Variants in NKAIN2 observed in about 807,000 individuals in gnomAD.
NKAIN2 encodes the protein sodium/potassium-transporting ATPase subunit beta-1-interacting protein 2.
NKAIN2 carries 14 observed loss-of-function variants against 32.6 expected under a neutral mutation model. That is an observed-to-expected ratio of 0.43 (90% confidence interval 0.28 to 0.67). The LOEUF (loss-of-function observed/expected upper bound fraction) is 0.67. Ranked by LOEUF, NKAIN2 falls within the 30% of genes least tolerant of loss-of-function variation. NKAIN2 has a pLI of 0.17. For synonymous variants in NKAIN2, 80 were observed against 87.2 expected, an observed-to-expected ratio of 0.92 and a Z score of 0.46; for missense variants, 198 against 258.3, an observed-to-expected ratio of 0.77 and a Z score of 1.60.
chr6:123,862,928 C>G (rs56142431), intron 1 of NKAIN2, among the ~76,000 whole-genome samples: 1 of 152,072 alleles, frequency 6.6e-6, no homozygotes, highest in South Asian at 2.1e-4. Flanking sequence ...CCACTGAGTC[C>G]CTGGGAGCAT....
At chr6:124,083,394 T>C (rs9320979) in intron 1 of NKAIN2, among the ~76,000 whole-genome samples, 14,947 of 151,946 alleles carry the variant, frequency 0.098, 778 homozygotes, top group East Asian at 0.21. Context: ...TCATCATTAC[T>C]TTTTTAAACA....
At chr6:124,032,885 G>T (rs1029122735) in intron 1 of NKAIN2, among the ~76,000 whole-genome samples, 22 of 151,736 alleles carry the variant, frequency 1.4e-4, no homozygotes, top group African/African-American at 5.1e-4. Flanking sequence ...TTCCTCTCTG[G>T]TAATGTTTGT....
chr6:124,418,483 T>C (rs1774596776), intron 3 of NKAIN2, among the ~76,000 whole-genome samples: 1 of 148,038 alleles, frequency 6.8e-6, no homozygotes, highest in African/African-American at 2.5e-5. Context: ...AGTATATATA[T>C]ATAGTTTATT....
intron 3 of NKAIN2, among the ~76,000 whole-genome samples, chr6:124,552,907 T>A (rs1159658599): frequency 6.6e-6 from 1 of 152,246 alleles, no homozygotes; most frequent in Non-Finnish European, 1.5e-5. Context: ...TAAACACTTT[T>A]ATTTTTTGTT....
chr6:124,555,958 C>T (rs1047210124), intron 3 of NKAIN2, among the ~76,000 whole-genome samples: 1 of 152,090 alleles, frequency 6.6e-6, no homozygotes, highest in African/African-American at 2.4e-5. Context: ...AGTTGAATCA[C>T]ACTTAGTTTA....
chr6:124,103,833 A>ATTAC (rs1395306481), intron 1 of NKAIN2, among the ~76,000 whole-genome samples: 2 of 152,142 alleles, frequency 1.3e-5, no homozygotes, highest in Non-Finnish European at 2.9e-5. Flanking sequence ...CATGCCTGTA[A>ATTAC]TCCCAGCACT....
intron 1 of NKAIN2, among the ~76,000 whole-genome samples, chr6:124,059,559 G>A (rs1782827548): frequency 6.6e-6 from 1 of 152,088 alleles, no homozygotes; most frequent in Non-Finnish European, 1.5e-5. Context: ...AGGGATTTTT[G>A]TGTGCATAGT....
At chr6:124,375,255 C>A (rs1232310800) in intron 3 of NKAIN2, among the ~76,000 whole-genome samples, 2 of 151,850 alleles carry the variant, frequency 1.3e-5, no homozygotes, top group East Asian at 3.9e-4. Flanking sequence ...CTAATCATGG[C>A]ACTTATCATA....
intron 1 of NKAIN2, among the ~76,000 whole-genome samples, chr6:124,080,094 A>G (rs1369521239): frequency 6.6e-6 from 1 of 152,138 alleles, no homozygotes; most frequent in East Asian, 1.9e-4. Context: ...GACTGATAAA[A>G]AAGCTGGGAC....
At chr6:124,457,237 T>G (rs1378090161) in intron 3 of NKAIN2, among the ~76,000 whole-genome samples, 1 of 151,966 alleles carries the variant, frequency 6.6e-6, no homozygotes, top group Non-Finnish European at 1.5e-5. Flanking sequence ...GTTTCCTTCC[T>G]GAGAAGCTGA....
intron 1 of NKAIN2, among the ~76,000 whole-genome samples, chr6:123,881,818 T>G (rs1476740741): frequency 6.6e-6 from 1 of 152,186 alleles, no homozygotes; most frequent in Non-Finnish European, 1.5e-5. Flanking sequence ...AACAAACTCA[T>G]AAATATGTTA....
intron 1 of NKAIN2, among the ~76,000 whole-genome samples, chr6:123,856,867 T>G (rs1472260878): frequency 2.6e-5 from 4 of 152,164 alleles, no homozygotes; most frequent in Admixed American, 6.6e-5. Flanking sequence ...TAAATCAATT[T>G]AATCACATAA....
chr6:123,839,632 A>C (rs1412705926), intron 1 of NKAIN2, among the ~76,000 whole-genome samples: 3 of 152,200 alleles, frequency 2.0e-5, no homozygotes, highest in East Asian at 3.9e-4. Context: ...TCTCCCACCT[A>C]CTTTTTCTTT....
intron 4 of NKAIN2, among the ~76,000 whole-genome samples, chr6:124,787,300 A>G (rs1779550388): frequency 2.6e-5 from 4 of 152,178 alleles, no homozygotes. Context: ...AAACCTACAT[A>G]TGAACCCTAG....
chr6:124,794,879 TA>T, intron 5 of NKAIN2: 2 of 961,992 alleles, frequency 2.1e-6, no homozygotes, highest in South Asian at 4.8e-5. Flanking sequence ...ATCCATAGAG[TA>T]AAAAAGGTTT....
intron 1 of NKAIN2, among the ~76,000 whole-genome samples, chr6:123,922,819 TCTTA>T (rs1268620549): frequency 1.3e-5 from 2 of 152,234 alleles, no homozygotes; most frequent in Non-Finnish European, 2.9e-5. Context: ...ATTGGCCTCT[TCTTA>T]CTTTATTGAA....
At chr6:124,428,972 A>C (rs911185844) in intron 3 of NKAIN2, among the ~76,000 whole-genome samples, 4 of 152,124 alleles carry the variant, frequency 2.6e-5, no homozygotes, top group African/African-American at 9.7e-5. Context: ...AGAACTAGCT[A>C]CTTTCTGTTT....
intron 1 of NKAIN2, among the ~76,000 whole-genome samples, chr6:123,880,558 C>T (rs1442929589): frequency 6.6e-6 from 1 of 152,182 alleles, no homozygotes; most frequent in Non-Finnish European, 1.5e-5. Flanking sequence ...CATCACACAT[C>T]TCTATTTCAA....
At chr6:124,125,176 G>C (rs1786096928) in intron 1 of NKAIN2, among the ~76,000 whole-genome samples, 1 of 152,066 alleles carries the variant, frequency 6.6e-6, no homozygotes, top group Non-Finnish European at 1.5e-5. Flanking sequence ...ACAAGAGTAT[G>C]TTTGATTATT....
Sources: gnomAD v4.1 joint callset for allele counts (sites outside exome capture counted in the v4.1 genomes callset) on GRCh38, gnomAD v4.1.1 for gene constraint, MANE v1.5 for transcripts, NCBI Gene and HGNC (gene_info 2026-07-23, HGNC 2026-07-21) for gene names.